Variants in SDAD1 observed in about 807,000 individuals in gnomAD.
SDAD1 encodes the protein SDA1 domain containing 1.
A neutral mutation model predicts 100.3 loss-of-function variants in SDAD1; 79 were observed. The ratio of observed to expected loss-of-function variants is 0.79; its 90% CI spans 0.66 to 0.95. SDAD1 has a LOEUF of 0.95. SDAD1 is among the 40% of genes least tolerant of loss of function. The pLI, the probability that SDAD1 is intolerant of heterozygous loss-of-function variation, is 0.00. For synonymous variants in SDAD1, 267 were observed against 271.4 expected (o/e 0.98, Z 0.16); for missense variants, 790 against 810.9 (o/e 0.97, Z 0.31).
intron 10 of SDAD1, 69 bp from the exon 11 acceptor site, chr4:75,969,468 T>G: frequency 1.9e-6 from 2 of 1,027,104 alleles, no homozygotes; most frequent in South Asian, 2.8e-5. Flanking sequence ...GTAACAGGCG[T>G]AGGAAAAGAC....
chr4:75,984,736 A>G (rs1413414898), intron 1 of SDAD1, among the ~76,000 whole-genome samples: 1 of 148,752 alleles, frequency 6.7e-6, no homozygotes, highest in Non-Finnish European at 1.5e-5. Flanking sequence ...ACCCATACAT[A>G]GTCTATGTCT....
Position 75,950,816 on chromosome 4 carries a change from T to C in SDAD1, c.2017-19A>G, listed in dbSNP as rs765820027. ...GTGCCAACTGTAAGATAAAAAAGTA[T>C]TGAAACATGATAACTCTTGGGTACC... On this transcript the variant is annotated intron_variant, in intron 21 of 21. Coordinates refer to ENST00000356260, the MANE Select transcript of SDAD1 (RefSeq NM_018115.4). 7.1e-6 allele frequency: 11 copies of C among 1,555,686 alleles called. No individual in the cohort carries two copies. Among genetic ancestry groups the C allele is most frequent in the African/African-American group, 5.4e-5 (4 of 73,906 alleles).
intron 1 of SDAD1, among the ~76,000 whole-genome samples, chr4:75,982,787 C>G (rs964545138): frequency 6.6e-6 from 1 of 151,872 alleles, no homozygotes; most frequent in African/African-American, 2.4e-5. Flanking sequence ...CCCACCCCCC[C>G]ACTGCCACCC....
In SDAD1 at chr4:75,950,766, C is replaced by T; in HGVS notation, c.2048G>A (p.Arg683Lys). The T allele has an allele frequency of 6.3e-7, 1 of 1,591,826 alleles. No homozygotes were observed. The highest frequency in any genetic ancestry group is 8.6e-7 in the Non-Finnish European group (1 of 1,162,678). The change falls in exon 22 of 22, where the codon AGA becomes AAA. Residue 683 changes from arginine (R) to lysine (K), a missense_variant. Arg to Lys is a conservative substitution (Grantham distance 26). Transcript: ENST00000356260. ...GCCAGGAAGTTACTTCATTCTTTTTCTCTTTTTCAAAAGTGCATCTCGTAG... is the reference window on the plus strand; with the variant it reads ...GCCAGGAAGTTACTTCATTCTTTTTTTCTTTTTCAAAAGTGCATCTCGTAG... The part of the protein sequence containing the change: ...LALRDALLKK[R>K]KRMK
At chr4:75,960,937 G>T in intron 16 of SDAD1, 91 bp downstream of exon 16, 1 of 977,442 alleles carries the variant, frequency 1.0e-6, no homozygotes, top group Non-Finnish European at 1.6e-6. Flanking sequence ...CATAACAGAA[G>T]CATCATAAGT....
At chr4:75,957,437 A>C (rs1728962212) in intron 19 of SDAD1, 28 bp from the exon 20 acceptor site, 2 of 1,613,174 alleles carry the variant, frequency 1.2e-6, no homozygotes, top group Admixed American at 1.7e-5. Context: ...TAACACATGA[A>C]ACAAGAATGG....
At chr4:75,951,061 CT>C (rs1728605571) in intron 21 of SDAD1, among the ~76,000 whole-genome samples, 2 of 152,094 alleles carry the variant, frequency 1.3e-5, no homozygotes, top group African/African-American at 4.8e-5. Context: ...AATGCAGAGA[CT>C]ACTATTTATT....
At chr4:75,978,617 G>C (rs1401028447) in intron 3 of SDAD1, among the ~76,000 whole-genome samples, 2 of 151,916 alleles carry the variant, frequency 1.3e-5, no homozygotes, top group African/African-American at 2.4e-5. Flanking sequence ...TCCAAGTCTT[G>C]GGGCAGGAAA....
At position 75,990,919 on chromosome 4, in the gene SDAD1, G is replaced by A; in HGVS notation, c.-78C>T. 22 of 1,565,496 alleles carry A rather than the reference G, an allele frequency of 1.4e-5. No individual in the cohort carries two copies. The highest frequency in any genetic ancestry group is 1.8e-5 in the Non-Finnish European group (21 of 1,140,312). ...CGGCACCCCGCAATCCCTGCCAGCT[G>A]CAGCTTGGACTCGTGTTTCCGGGTA... On this transcript the variant is annotated 5_prime_UTR_variant, in exon 1 of 22. Transcript: ENST00000356260.
intron 11 of SDAD1, 119 bp from the exon 12 acceptor site, chr4:75,967,453 A>G (rs1237565909): frequency 2.3e-6 from 2 of 852,560 alleles, no homozygotes; most frequent in South Asian, 3.1e-5. Context: ...TTTTTTTCTC[A>G]GTAAGCAATC....
In SDAD1 at chr4:75,961,189, TAG is replaced by T. The variant is rs775227985; in HGVS notation, c.1279+20_1279+21del. On this transcript the variant is annotated intron_variant, in intron 15 of 21. Transcript: ENST00000356260. ...GAGTCACACTGTACTCTTTGGTGTG[TAG>T]AGAGTAACATGCAGCTTACTCTTAT... The T allele has an allele frequency of 6.2e-7, 1 of 1,604,344 alleles. No homozygotes were observed. The highest frequency in any genetic ancestry group is 1.1e-5 in the South Asian group (1 of 90,910).
In SDAD1 at chr4:75,961,217, C is replaced by G; in HGVS notation, c.1273G>C (p.Asp425His). Residue 425 changes from aspartate to histidine, a missense_variant, in exon 15 of 22, where the codon GAT (aspartate) becomes CAT (histidine). Physicochemically the swap from Asp to His is moderately conservative, Grantham distance 81 (BLOSUM62 -1). Transcript: ENST00000356260. ...QDLAQYKTHK[D>H]KNVMMSARTL... The stretch of plus-strand genomic sequence containing the variant: ...AGAGTAACATGCAGCTTACTCTTAT[C>G]CTTGTGTGTTTTATACTGAGCCAGG... The G allele has an allele frequency of 6.2e-7, 1 of 1,613,694 alleles. No homozygotes were observed. Among genetic ancestry groups the G allele is most frequent in the South Asian group, 1.1e-5 (1 of 91,070 alleles).
In SDAD1 at chr4:75,975,545, C is replaced by T. The variant is rs1038362747; in HGVS notation, c.578+199G>A. 2.6e-5 allele frequency among the ~76,000 whole-genome samples: 4 copies of T among 151,948 alleles called. No individual in the cohort carries two copies. In the South Asian group the frequency reaches 8.3e-4, roughly 31 times the overall value. ...CTAAGTGAGGTCATGTCAAAGTGCC[C>T]GACCTCAGTAGCTGCTCAAGAAATG... On this transcript the variant is annotated intron_variant, in intron 6 of 21. Coordinates refer to ENST00000356260, the MANE Select transcript of SDAD1 (RefSeq NM_018115.4).
At position 75,975,597 on chromosome 4, in the gene SDAD1, T is replaced by C. The variant is rs1039993816; in HGVS notation, c.578+147A>G. 7.2e-6 allele frequency: 4 copies of C among 557,472 alleles called. No individual in the cohort carries two copies. In the Admixed American group the frequency reaches 9.3e-5, roughly 13 times the overall value. 34.5% of individuals were successfully genotyped at this position (557,472 alleles called of 1,614,324 possible). On this transcript the variant is annotated intron_variant, in intron 6 of 21. Transcript: ENST00000356260. ...TAACCAATGTCATTAGTCATTTGAA[T>C]TGCCTCTATTTTTACTTCCAACTTA...
At position 75,974,068 on chromosome 4, in the gene SDAD1, G is replaced by C; in HGVS notation, c.636+8C>G. The C allele has an allele frequency of 1.2e-6, 2 of 1,612,712 alleles. No homozygotes were observed. Among genetic ancestry groups the C allele is most frequent in the Non-Finnish European group, 1.7e-6 (2 of 1,178,878 alleles). On this transcript the variant is annotated splice_region_variant and intron_variant, in intron 7 of 21. Transcript: ENST00000356260. Reference sequence around the variant, plus strand: ...ACAGAGCTTACACACAGCCCTATAGGTGCTCACCTTGGTGACCTTAGAGAA... The same window carrying C: ...ACAGAGCTTACACACAGCCCTATAGCTGCTCACCTTGGTGACCTTAGAGAA...
chr4:75,981,295 G>GATAATACATTATAATTTACGTTTT, intron 3 of SDAD1, 77 bp downstream of exon 3: 1 of 1,305,354 alleles, frequency 7.7e-7, no homozygotes, highest in Non-Finnish European at 1.1e-6. Flanking sequence ...TAGCTTAGAG[G>GATAATACATTATAATTTACGTTTT]CTGTTCTCAT....
At chr4:75,955,858 C>T (rs1728859204) in intron 21 of SDAD1, 117 bp downstream of exon 21, 2 of 1,187,378 alleles carry the variant, frequency 1.7e-6, no homozygotes, top group Admixed American at 2.4e-5. Context: ...TCCAACAATG[C>T]TCCCAAGACA....
At chr4:75,951,494 A>G (rs1728626089) in intron 21 of SDAD1, among the ~76,000 whole-genome samples, 1 of 152,186 alleles carries the variant, frequency 6.6e-6, no homozygotes, top group African/African-American at 2.4e-5. Context: ...TAACTTGTTT[A>G]ATTATTTTGT....
At chr4:75,972,165 T>G (rs756420502) in intron 8 of SDAD1, among the ~76,000 whole-genome samples, 11 of 152,040 alleles carry the variant, frequency 7.2e-5, no homozygotes, top group Non-Finnish European at 1.5e-4. Flanking sequence ...TTTGAACTAC[T>G]GACCTCAAGT....
Sources: gnomAD v4.1 joint callset for allele counts (sites outside exome capture counted in the v4.1 genomes callset) on GRCh38, gnomAD v4.1.1 for gene constraint, MANE v1.5 for transcripts, NCBI Gene and HGNC (gene_info 2026-07-23, HGNC 2026-07-21) for gene names.